Variants in NELL1 observed in about 807,000 individuals in gnomAD.
NELL1 encodes the protein neural EGFL like 1.
A neutral mutation model predicts 107.4 loss-of-function variants in NELL1; 76 were observed. The observed-to-expected ratio is 0.71, with a 90% CI of 0.59 to 0.86. NELL1 has a LOEUF of 0.86. Ranked by LOEUF, NELL1 falls within the 40% of genes least tolerant of loss-of-function variation. NELL1 has a pLI of 0.00. For missense variants in NELL1, 1,024 were observed against 1,005.5 expected, an observed-to-expected ratio of 1.02 and a Z score of -0.25; for synonymous variants, 353 against 341.2, an observed-to-expected ratio of 1.03 and a Z score of -0.38.
rs773337363 is a variant in NELL1, at chr11:20,960,567, A to C, written c.1300+7A>C. 14 of 1,613,566 alleles carry C rather than the reference A, an allele frequency of 8.7e-6. No individual in the cohort carries two copies. The Admixed American group carries it at 1.5e-4, about 17-fold the overall frequency. On this transcript the variant is annotated splice_region_variant and intron_variant, in intron 12 of 19. Coordinates refer to ENST00000357134, the MANE Select transcript of NELL1 (RefSeq NM_006157.5). ...GACTCTGCCTACTGTGAAGGTAAGT[A>C]AGCTATTTAATGAAGTCACTTGTGA...
chr11:20,740,822 T>G (rs1253270146), intron 2 of NELL1, among the ~76,000 whole-genome samples: 1 of 152,104 alleles, frequency 6.6e-6, no homozygotes, highest in East Asian at 1.9e-4. Context: ...GACAGTATCT[T>G]GCTATGTTGC....
intron 17 of NELL1, among the ~76,000 whole-genome samples, chr11:21,565,841 T>C (rs1182040176): frequency 6.6e-6 from 1 of 151,918 alleles, no homozygotes; most frequent in Non-Finnish European, 1.5e-5. Context: ...ACCCCAGGTG[T>C]TAGGACTAAG....
chr11:20,845,275 T>C (rs7126421), intron 3 of NELL1, among the ~76,000 whole-genome samples: 51,298 of 152,056 alleles, frequency 0.34, 10,068 homozygotes, highest in African/African-American at 0.54. Context: ...ATTACCCCAA[T>C]GTAATCACTG....
chr11:21,162,836 T>C (rs1045471236), intron 13 of NELL1, among the ~76,000 whole-genome samples: 4 of 152,232 alleles, frequency 2.6e-5, no homozygotes, highest in African/African-American at 9.6e-5. Context: ...ACTCTTTGTG[T>C]AATTATATGT....
chr11:21,152,817 T>C (rs1238714223), intron 13 of NELL1, among the ~76,000 whole-genome samples: 1 of 152,188 alleles, frequency 6.6e-6, no homozygotes, highest in East Asian at 1.9e-4. Flanking sequence ...CATCTTTGTA[T>C]TCTTTTCTTT....
chr11:21,566,614 A>T (rs1856979899), intron 17 of NELL1, among the ~76,000 whole-genome samples: 2 of 151,878 alleles, frequency 1.3e-5, no homozygotes, highest in South Asian at 4.1e-4. Flanking sequence ...CATCTTTGGC[A>T]TATAAGTAGG....
intron 13 of NELL1, among the ~76,000 whole-genome samples, chr11:21,172,922 C>CTG (rs151155423): frequency 0.45 from 66,519 of 149,108 alleles, 15,036 homozygotes; most frequent in Middle Eastern, 0.48. Context: ...GTGTGTCTGT[C>CTG]TGTGTGTGTG....
chr11:20,717,574 A>G (rs988515533), intron 2 of NELL1, among the ~76,000 whole-genome samples: 4 of 152,312 alleles, frequency 2.6e-5, no homozygotes, highest in African/African-American at 7.2e-5. Context: ...ACAGCAAGTC[A>G]GAGTCTTGAC....
chr11:20,955,016 T>A (rs1851142148), intron 11 of NELL1, among the ~76,000 whole-genome samples: 1 of 152,026 alleles, frequency 6.6e-6, no homozygotes, highest in Non-Finnish European at 1.5e-5. Context: ...TGCCGTTGAG[T>A]CAAGCTTCCT....
chr11:21,550,094 G>C, intron 16 of NELL1, among the ~76,000 whole-genome samples: 1 of 151,742 alleles, frequency 6.6e-6, no homozygotes, highest in Middle Eastern at 3.2e-3. Flanking sequence ...TCAAGTGTTG[G>C]CTGAAATAAA....
At chr11:21,212,440 C>A (rs1008496971) in intron 13 of NELL1, among the ~76,000 whole-genome samples, 1 of 152,142 alleles carries the variant, frequency 6.6e-6, no homozygotes, top group African/African-American at 2.4e-5. Flanking sequence ...AGAGCAGTCC[C>A]AGTCCTTCTA....
chr11:21,071,333 A>G (rs987685426), intron 12 of NELL1, among the ~76,000 whole-genome samples: 7 of 152,212 alleles, frequency 4.6e-5, no homozygotes, highest in Non-Finnish European at 8.8e-5. Context: ...TAAATATTAC[A>G]AAAGAAAATT....
intron 13 of NELL1, among the ~76,000 whole-genome samples, chr11:21,211,039 G>A (rs1175967748): frequency 6.6e-6 from 1 of 152,114 alleles, no homozygotes; most frequent in African/African-American, 2.4e-5. Context: ...GCTATGGGCT[G>A]GAGATAAAGA....
At chr11:21,457,135 G>A (rs1853766778) in intron 15 of NELL1, among the ~76,000 whole-genome samples, 1 of 152,146 alleles carries the variant, frequency 6.6e-6, no homozygotes, top group South Asian at 2.1e-4. Flanking sequence ...AAGCACAGCA[G>A]AAAGAATGGC....
At chr11:21,097,540 GA>G (rs1320429709) in intron 12 of NELL1, among the ~76,000 whole-genome samples, 1 of 150,542 alleles carries the variant, frequency 6.6e-6, no homozygotes, top group Non-Finnish European at 1.5e-5. Context: ...GGGGGAGGGG[GA>G]TGTGAGGTAC....
chr11:21,052,348 A>C (rs1031295557), intron 12 of NELL1, among the ~76,000 whole-genome samples: 3 of 152,012 alleles, frequency 2.0e-5, no homozygotes, highest in African/African-American at 7.2e-5. Context: ...ACTTACATTT[A>C]AACAGGATCA....
At chr11:20,851,788 T>A (rs1035657372) in intron 4 of NELL1, among the ~76,000 whole-genome samples, 4 of 152,236 alleles carry the variant, frequency 2.6e-5, no homozygotes, top group African/African-American at 9.6e-5. Context: ...GTTCTTGGCT[T>A]ATTCATTTAG....
intron 15 of NELL1, among the ~76,000 whole-genome samples, chr11:21,455,740 T>G (rs907468785): frequency 3.3e-5 from 5 of 152,178 alleles, no homozygotes; most frequent in Non-Finnish European, 7.3e-5. Context: ...GTTGAGTTTC[T>G]TAGGTATATG....
chr11:21,469,830 G>A (rs1854128118), intron 15 of NELL1, among the ~76,000 whole-genome samples: 1 of 151,982 alleles, frequency 6.6e-6, no homozygotes, highest in Admixed American at 6.6e-5. Context: ...CCACAACATT[G>A]TACAAGTATA....
Sources: allele counts gnomAD v4.1 joint callset (sites outside exome capture counted in the v4.1 genomes callset), GRCh38; gene constraint gnomAD v4.1.1; transcripts MANE v1.5; gene names NCBI Gene and HGNC (gene_info 2026-07-23, HGNC 2026-07-21).